ZMAT4: variants seen among roughly 807,000 people sequenced by gnomAD.
ZMAT4 encodes zinc finger matrin-type protein 4.
ZMAT4 carries 17 observed loss-of-function variants against 28.7 expected under a neutral mutation model. The observed-to-expected ratio is 0.59, with a 90% CI of 0.41 to 0.89. ZMAT4 has a LOEUF of 0.89. Among genes scored for constraint, ZMAT4 ranks in the 40% least tolerant of loss-of-function variants. The pLI is 0.00. For missense variants in ZMAT4, 240 were observed against 283.8 expected (o/e 0.85, Z 1.11); for synonymous variants, 117 against 109.2 (o/e 1.07, Z -0.44).
At chr8:40,726,670 C>T (rs1811327746) in intron 3 of ZMAT4, among the ~76,000 whole-genome samples, 1 of 152,208 alleles carries the variant, frequency 6.6e-6, no homozygotes, top group Admixed American at 6.5e-5. Flanking sequence ...TAGCCCACTG[C>T]CTGCTTTTTG....
intron 3 of ZMAT4, 64 bp downstream of exon 3, chr8:40,767,577 C>T (rs192106567): frequency 1.6e-5 from 23 of 1,398,254 alleles, no homozygotes; most frequent in African/African-American, 2.9e-5. Context: ...AATTCCTACA[C>T]CTGCAAAGTT....
chr8:40,769,707 A>G (rs193134998), intron 2 of ZMAT4, among the ~76,000 whole-genome samples: 7 of 152,134 alleles, frequency 4.6e-5, no homozygotes, highest in African/African-American at 1.7e-4. Context: ...TGCATTATCA[A>G]TCTCCTAAAG....
chr8:40,547,923 G>A (rs1228131049), intron 6 of ZMAT4, among the ~76,000 whole-genome samples: 5 of 152,178 alleles, frequency 3.3e-5, no homozygotes, highest in Admixed American at 6.5e-5. Context: ...TGAAGGATGC[G>A]GAAGCAGGAA....
intron 2 of ZMAT4, among the ~76,000 whole-genome samples, chr8:40,779,843 A>G (rs748492309): frequency 3.3e-5 from 5 of 152,150 alleles, no homozygotes; most frequent in African/African-American, 4.8e-5. Flanking sequence ...ATAGCACCTC[A>G]GTGAGAGGCA....
At chr8:40,831,718 G>A (rs1206637196) in intron 1 of ZMAT4, among the ~76,000 whole-genome samples, 1 of 152,182 alleles carries the variant, frequency 6.6e-6, no homozygotes, top group Non-Finnish European at 1.5e-5. Context: ...CTGAAGAGCA[G>A]CTCTTGCCTT....
At chr8:40,659,134 T>C (rs1808070420) in intron 5 of ZMAT4, among the ~76,000 whole-genome samples, 1 of 152,138 alleles carries the variant, frequency 6.6e-6, no homozygotes, top group South Asian at 2.1e-4. Context: ...GGTGGGTACA[T>C]GAGTGTGTGC....
intron 2 of ZMAT4, among the ~76,000 whole-genome samples, chr8:40,770,381 A>G (rs1813337126): frequency 6.6e-6 from 1 of 152,036 alleles, no homozygotes. Flanking sequence ...ACAAAGGGAA[A>G]GAGGTTCCCT....
At chr8:40,675,098 T>G (rs1403358269) in intron 4 of ZMAT4, among the ~76,000 whole-genome samples, 167 bp from the exon 5 acceptor site, 1 of 152,164 alleles carries the variant, frequency 6.6e-6, no homozygotes, top group East Asian at 1.9e-4. Flanking sequence ...CATTTTTGAG[T>G]TGGGACACAA....
intron 1 of ZMAT4, among the ~76,000 whole-genome samples, chr8:40,873,889 G>T (rs987634253): frequency 2.0e-5 from 3 of 152,086 alleles, no homozygotes; most frequent in Non-Finnish European, 2.9e-5. Flanking sequence ...CTGGTGAGAG[G>T]GGGTGAGGAC....
At chr8:40,822,400 A>C (rs1005671496) in intron 2 of ZMAT4, among the ~76,000 whole-genome samples, 1 of 152,218 alleles carries the variant, frequency 6.6e-6, no homozygotes, top group Non-Finnish European at 1.5e-5. Context: ...AAATCATACT[A>C]AAACAATAAA....
At chr8:40,576,531 GA>G (rs202047657) in intron 6 of ZMAT4, among the ~76,000 whole-genome samples, 236 of 130,012 alleles carry the variant, frequency 1.8e-3, no homozygotes, top group South Asian at 4.0e-3. Flanking sequence ...GGGCTGAAAG[GA>G]AAAAAAAAAA....
At chr8:40,542,809 C>T (rs1303121502) in intron 6 of ZMAT4, among the ~76,000 whole-genome samples, 12 of 152,306 alleles carry the variant, frequency 7.9e-5, no homozygotes, top group African/African-American at 2.4e-4. Flanking sequence ...TCAATCAACA[C>T]AATGGATTTA....
At position 40,851,882 on chromosome 8, in the gene ZMAT4, C is replaced by T. The variant is rs79457087; in HGVS notation, c.-4-26202G>A. Among the ~76,000 whole-genome samples, 261 of 152,120 alleles carry T rather than the reference C, an allele frequency of 1.7e-3. 1 individual carries two copies. Among genetic ancestry groups the T allele is most frequent in the African/African-American group, 5.8e-3 (242 of 41,502 alleles). On this transcript the variant is annotated intron_variant, in intron 1 of 6. Transcript: ENST00000297737. ...ACCAGAATTTGTTCCTCCTATCTAG[C>T]TGCAATTTTTTATTTATTTTATTTT...
chr8:40,612,155 C>G (rs1009863525), intron 5 of ZMAT4, among the ~76,000 whole-genome samples: 6 of 152,136 alleles, frequency 3.9e-5, no homozygotes, highest in Admixed American at 3.9e-4. Flanking sequence ...ACAAAGGAGG[C>G]CATGTACATA....
rs538147388 is a variant in ZMAT4 at position 40,739,559 on chromosome 8, G to A, written c.192+28082C>T. ...AGTTCCAGCAGTACAACTGACACAG[G>A]AAGAAAAGAGCTGACATAAGCTACT... On this transcript the variant is annotated intron_variant, in intron 3 of 6. Transcript: ENST00000297737. Among the ~76,000 whole-genome samples, 3 of 152,244 alleles carry A rather than the reference G, an allele frequency of 2.0e-5. No individual in the cohort carries two copies. The South Asian group carries it at 6.2e-4, about 32-fold the overall frequency.
intron 6 of ZMAT4, among the ~76,000 whole-genome samples, chr8:40,564,398 T>TCTCTC (rs1350814359): frequency 1.3e-5 from 2 of 152,134 alleles, no homozygotes; most frequent in African/African-American, 4.8e-5. Context: ...CTTTCTGCCT[T>TCTCTC]CTCTCCCCCT....
intron 3 of ZMAT4, among the ~76,000 whole-genome samples, chr8:40,756,426 T>TTATATATATATATA (rs72008675): frequency 0.037 from 2,673 of 72,506 alleles, 132 homozygotes; most frequent in African/African-American, 0.041. Context: ...AAATGTTCTT[T>TTATATATATATATA]TATATATATA....
At chr8:40,603,883 G>A (rs1805489124) in intron 5 of ZMAT4, among the ~76,000 whole-genome samples, 1 of 152,026 alleles carries the variant, frequency 6.6e-6, no homozygotes, top group Non-Finnish European at 1.5e-5. Flanking sequence ...GCCCACCTTG[G>A]CCTCTCAATC....
chr8:40,837,411 A>T (rs1271431312), intron 1 of ZMAT4, among the ~76,000 whole-genome samples: 1 of 152,192 alleles, frequency 6.6e-6, no homozygotes, highest in Admixed American at 6.5e-5. Context: ...GTCAATGGGA[A>T]CTAAACCTCT....
Sources: allele counts gnomAD v4.1 joint callset (sites outside exome capture counted in the v4.1 genomes callset), GRCh38; gene constraint gnomAD v4.1.1; transcripts MANE v1.5; gene names NCBI Gene and HGNC (gene_info 2026-07-23, HGNC 2026-07-21).